SORCS1: variants seen among roughly 807,000 people sequenced by gnomAD.
SORCS1 encodes the protein sortilin related VPS10 domain containing receptor 1, also known as VPS10 domain-containing receptor SorCS1.
A neutral mutation model predicts 146.1 loss-of-function variants in SORCS1; 60 were observed. The observed-to-expected ratio is 0.41, with a 90% CI of 0.33 to 0.51. The LOEUF (loss-of-function observed/expected upper bound fraction) is 0.51. SORCS1 is among the 20% of genes least tolerant of loss of function. The probability of loss-of-function intolerance (pLI) is 0.21; values close to 1 mark genes in which losing one functional copy is unlikely to be tolerated. For synonymous variants in SORCS1, 637 were observed against 584.0 expected, an observed-to-expected ratio of 1.09 and a Z score of -1.31; for missense variants, 1,352 against 1,487.6, an observed-to-expected ratio of 0.91 and a Z score of 1.50.
intron 2 of SORCS1, among the ~76,000 whole-genome samples, chr10:106,936,385 G>A (rs1953719757): frequency 1.3e-5 from 2 of 152,298 alleles, no homozygotes; most frequent in Middle Eastern, 3.4e-3. Context: ...GTCCAAGACA[G>A]GAACATAGAT....
At chr10:106,884,927 TCAGGG>T (rs1950938179) in intron 2 of SORCS1, among the ~76,000 whole-genome samples, 1 of 152,202 alleles carries the variant, frequency 6.6e-6, no homozygotes, top group African/African-American at 2.4e-5. Flanking sequence ...AGGAAAGAAG[TCAGGG>T]CAGGGCCTAA....
At chr10:107,168,150 T>A (rs1462947860), upstream of SORCS1, among the ~76,000 whole-genome samples, 1 of 152,166 alleles carries the variant, frequency 6.6e-6, no homozygotes, top group Non-Finnish European at 1.5e-5. Flanking sequence ...TTTTCGCTGA[T>A]GTGCCCAGTT....
At chr10:106,914,771 G>A (rs1952332386) in intron 2 of SORCS1, among the ~76,000 whole-genome samples, 1 of 152,146 alleles carries the variant, frequency 6.6e-6, no homozygotes, top group Non-Finnish European at 1.5e-5. Context: ...ACTAGCGTGG[G>A]ACCTTAATTC....
rs546890547 is a variant in SORCS1 at position 106,804,617 on chromosome 10, T to C, written c.726+24957A>G. Among the ~76,000 whole-genome samples the C allele has an allele frequency of 3.9e-5, 6 of 152,202 alleles. 1 individual carries two copies. Among genetic ancestry groups the C allele is most frequent in the African/African-American group, 1.4e-4 (6 of 41,558 alleles). On this transcript the variant is annotated intron_variant, in intron 3 of 25. Transcript: ENST00000263054. ...AAAAGAAATGCCAAATGTAAGATGCTTGAAAAAGGAAGACGAGAATGTAAT... is the reference window on the plus strand; with the variant it reads ...AAAAGAAATGCCAAATGTAAGATGCCTGAAAAAGGAAGACGAGAATGTAAT...
At chr10:107,003,174 G>A (rs1361148631) in intron 1 of SORCS1, among the ~76,000 whole-genome samples, 1 of 152,014 alleles carries the variant, frequency 6.6e-6, no homozygotes, top group African/African-American at 2.4e-5. Flanking sequence ...AGAATCGCCT[G>A]AACCTGGGAG....
chr10:106,658,753 C>T (rs1054119878), intron 17 of SORCS1, among the ~76,000 whole-genome samples: 2 of 152,284 alleles, frequency 1.3e-5, no homozygotes, highest in Non-Finnish European at 2.9e-5. Flanking sequence ...AGCTATGTAA[C>T]TATAGATCTC....
In SORCS1 at chr10:107,152,362, G is replaced by A. The variant is rs112991260; in HGVS notation, c.558+11607C>T. On this transcript the variant is annotated intron_variant, in intron 1 of 25. Transcript: ENST00000263054. ...GGGTCCCCATGCAAAGTCCCCATGG[G>A]GCACTGTCTAGTGGAGCTATGAGAA... is the stretch of plus-strand genomic sequence containing the variant. Among the ~76,000 whole-genome samples the A allele has an allele frequency of 4.8e-3, 725 of 152,266 alleles. 7 individuals are homozygous for A. Among genetic ancestry groups the A allele is most frequent in the African/African-American group, 0.016 (674 of 41,554 alleles).
chr10:106,801,017 T>A (rs1042106825), intron 3 of SORCS1, among the ~76,000 whole-genome samples: 3 of 152,220 alleles, frequency 2.0e-5, no homozygotes, highest in African/African-American at 7.2e-5. Context: ...GGAATATCAA[T>A]ACCACACACT....
intron 3 of SORCS1, among the ~76,000 whole-genome samples, chr10:106,822,802 T>TTTTTTTTTTTTTTTTTTTTTTTTTTTG (rs994708912): frequency 2.9e-5 from 4 of 140,196 alleles, no homozygotes; most frequent in African/African-American, 1.1e-4. Flanking sequence ...TTTTTTTTTT[T>TTTTTTTTTTTTTTTTTTTTTTTTTTTG]GAATATTGCT....
At chr10:106,907,866 G>T (rs1480797731) in intron 2 of SORCS1, among the ~76,000 whole-genome samples, 3 of 151,292 alleles carry the variant, frequency 2.0e-5, no homozygotes, top group Non-Finnish European at 4.4e-5. Flanking sequence ...GGTGGAGGTT[G>T]CAGTGAGCCG....
chr10:106,577,775 A>G, intron 25 of SORCS1: 1 of 817,774 alleles, frequency 1.2e-6, no homozygotes, highest in Non-Finnish European at 1.7e-6. Context: ...GACAGGGTGA[A>G]TGCTTCTCTG....
chr10:106,636,251 C>T (rs549733181), intron 18 of SORCS1, among the ~76,000 whole-genome samples: 1 of 151,914 alleles, frequency 6.6e-6, no homozygotes, highest in African/African-American at 2.4e-5. Flanking sequence ...CAGAGTGAAC[C>T]ACTCTCTCAC....
intron 2 of SORCS1, among the ~76,000 whole-genome samples, chr10:106,954,505 T>A (rs1384529508): frequency 6.6e-6 from 1 of 152,218 alleles, no homozygotes; most frequent in Non-Finnish European, 1.5e-5. Flanking sequence ...TATCCAGAAC[T>A]GGAAGCTTAG....
intron 1 of SORCS1, among the ~76,000 whole-genome samples, chr10:107,083,620 C>T (rs964420756): frequency 5.9e-5 from 9 of 152,156 alleles, no homozygotes; most frequent in African/African-American, 2.2e-4. Flanking sequence ...CCAATTACTT[C>T]CACAATTCTA....
intron 1 of SORCS1, among the ~76,000 whole-genome samples, chr10:107,054,933 G>A (rs1215432898): frequency 6.6e-6 from 1 of 152,172 alleles, no homozygotes; most frequent in African/African-American, 2.4e-5. Flanking sequence ...AATACGACAT[G>A]CCTAATAAGT....
intron 1 of SORCS1, among the ~76,000 whole-genome samples, chr10:107,055,039 A>G (rs1232419647): frequency 6.6e-6 from 1 of 152,192 alleles, no homozygotes; most frequent in Non-Finnish European, 1.5e-5. Flanking sequence ...GAATGTGCTG[A>G]GGACCAGGGG....
Position 107,070,919 on chromosome 10 carries a change from T to TA in SORCS1, c.558+93049dup, listed in dbSNP as rs879456793. 5.5e-4 allele frequency among the ~76,000 whole-genome samples: 81 copies of TA among 147,566 alleles called. No homozygotes were observed. In the South Asian group the frequency reaches 7.3e-3, roughly 13 times the overall value. ...TATTGTAATAGAAGGTAAGATATCT[T>TA]AAAAAAAAAAATAGTCCCATAAACG... On this transcript the variant is annotated intron_variant, in intron 1 of 25. Transcript: ENST00000263054.
chr10:107,037,592 T>C (rs151208923), intron 1 of SORCS1, among the ~76,000 whole-genome samples: 3 of 152,308 alleles, frequency 2.0e-5, no homozygotes, highest in African/African-American at 7.2e-5. Context: ...CCAGGCAAAA[T>C]TGTGGAGAAA....
chr10:106,990,914 T>C (rs1351270153), intron 1 of SORCS1, among the ~76,000 whole-genome samples: 1 of 52,950 alleles, frequency 1.9e-5, no homozygotes, highest in Non-Finnish European at 3.7e-5. Flanking sequence ...GCAAAATGAA[T>C]GATTTTAAAT....
Sources: gnomAD v4.1 joint callset for allele counts (sites outside exome capture counted in the v4.1 genomes callset) on GRCh38, gnomAD v4.1.1 for gene constraint, MANE v1.5 for transcripts, NCBI Gene and HGNC (gene_info 2026-07-23, HGNC 2026-07-21) for gene names.